The following ASIC2 variants were observed in gnomAD, a reference collection of about 807,000 sequenced individuals.
ASIC2 encodes acid-sensing ion channel 2.
Under a neutral mutation model 57.3 loss-of-function variants are expected in ASIC2, and 25 were observed. That is an observed-to-expected ratio of 0.44 (90% CI 0.32 to 0.61). The LOEUF (loss-of-function observed/expected upper bound fraction) is 0.61. Ranked by LOEUF, ASIC2 falls within the 20% of genes least tolerant of loss-of-function variation. ASIC2 has a pLI of 0.06. For missense variants in ASIC2, 641 were observed against 738.1 expected (o/e 0.87, Z 1.52); for synonymous variants, 319 against 307.5 (o/e 1.04, Z -0.39).
chr17:33,502,967 G>A (rs1401190607), intron 1 of ASIC2, among the ~76,000 whole-genome samples: 1 of 152,142 alleles, frequency 6.6e-6, no homozygotes, highest in Non-Finnish European at 1.5e-5. Context: ...TTCAAGGAAG[G>A]CACATTTGAG....
At chr17:33,070,859 G>A (rs1299181801) in intron 3 of ASIC2, among the ~76,000 whole-genome samples, 2 of 150,260 alleles carry the variant, frequency 1.3e-5, no homozygotes, top group Admixed American at 6.7e-5. Context: ...AATTTTTGGA[G>A]GCATTTTTAC....
At chr17:34,119,602 T>C (rs12936180) in intron 1 of ASIC2, among the ~76,000 whole-genome samples, 7,175 of 146,662 alleles carry the variant, frequency 0.049, 540 homozygotes, top group African/African-American at 0.17. Context: ...AGCTTCCCTT[T>C]CTCTACACAG....
chr17:33,206,751 C>G (rs182220866), intron 1 of ASIC2, among the ~76,000 whole-genome samples: 3 of 152,228 alleles, frequency 2.0e-5, no homozygotes, highest in African/African-American at 7.2e-5. Flanking sequence ...TACCCAGACA[C>G]CTCTAGATTG....
At chr17:33,975,056 A>G (rs974972692) in intron 1 of ASIC2, among the ~76,000 whole-genome samples, 1 of 152,222 alleles carries the variant, frequency 6.6e-6, no homozygotes. Context: ...TCATTGGTAT[A>G]TTGCCAGTGC....
intron 1 of ASIC2, among the ~76,000 whole-genome samples, chr17:33,897,530 G>C (rs1313892846): frequency 1.3e-5 from 2 of 152,164 alleles, no homozygotes. Context: ...TTCTGTAATT[G>C]GTTCATATTG....
intron 1 of ASIC2, among the ~76,000 whole-genome samples, chr17:33,201,623 G>C (rs1286953915): frequency 6.6e-6 from 1 of 152,132 alleles, no homozygotes; most frequent in Admixed American, 6.5e-5. Context: ...GTATAAACAT[G>C]ACTGCAGCCC....
chr17:33,813,776 G>A (rs936809222), intron 1 of ASIC2, among the ~76,000 whole-genome samples: 1 of 151,942 alleles, frequency 6.6e-6, no homozygotes, highest in Non-Finnish European at 1.5e-5. Flanking sequence ...CTCCTTGCTG[G>A]TGATAAGGTA....
intron 1 of ASIC2, among the ~76,000 whole-genome samples, chr17:33,803,351 G>A (rs941563567): frequency 1.3e-5 from 2 of 151,900 alleles, no homozygotes; most frequent in South Asian, 4.2e-4. Context: ...ATATGTGTGG[G>A]TGGGTGGGGG....
intron 1 of ASIC2, among the ~76,000 whole-genome samples, chr17:33,260,374 C>T (rs1207474148): frequency 6.6e-6 from 1 of 152,302 alleles, no homozygotes; most frequent in Non-Finnish European, 1.5e-5. Context: ...AATCTGCGGG[C>T]ACATTAACTC....
intron 1 of ASIC2, among the ~76,000 whole-genome samples, chr17:34,152,471 T>G (rs1350221545): frequency 1.3e-5 from 2 of 152,186 alleles, no homozygotes; most frequent in African/African-American, 4.8e-5. Context: ...TCAGTCAGGT[T>G]GGATGTAAAC....
chr17:33,412,578 G>C (rs1910700865), intron 1 of ASIC2, among the ~76,000 whole-genome samples: 1 of 152,192 alleles, frequency 6.6e-6, no homozygotes, highest in Non-Finnish European at 1.5e-5. Context: ...TTAAAATCCT[G>C]GTCTTGCTGA....
At chr17:33,273,749 C>T (rs1219342567) in intron 1 of ASIC2, among the ~76,000 whole-genome samples, 2 of 152,084 alleles carry the variant, frequency 1.3e-5, no homozygotes, top group African/African-American at 4.8e-5. Flanking sequence ...AAACAACTTG[C>T]CCAAGGTCAC....
intron 1 of ASIC2, among the ~76,000 whole-genome samples, chr17:33,166,355 G>C (rs1439449674): frequency 6.6e-6 from 1 of 152,192 alleles, no homozygotes; most frequent in Admixed American, 6.5e-5. Context: ...AAAGCTCATT[G>C]TTGGGGGGAG....
chr17:33,025,799 G>T, intron 5 of ASIC2, 127 bp downstream of exon 5: 3 of 892,672 alleles, frequency 3.4e-6, no homozygotes, highest in South Asian at 2.1e-5. Context: ...CACCCGACCA[G>T]CCCCTTTCTT....
At chr17:33,653,740 G>A (rs924616601) in intron 1 of ASIC2, among the ~76,000 whole-genome samples, 3 of 152,186 alleles carry the variant, frequency 2.0e-5, no homozygotes, top group African/African-American at 7.2e-5. Flanking sequence ...TTCAGAACTT[G>A]TGATATAGAA....
intron 1 of ASIC2, among the ~76,000 whole-genome samples, chr17:33,460,048 G>T (rs1912584083): frequency 6.6e-6 from 1 of 151,740 alleles, no homozygotes; most frequent in South Asian, 2.1e-4. Context: ...AGATTTGTGT[G>T]TTTGACAAAC....
chr17:34,024,135 T>G (rs1907284659), intron 1 of ASIC2, among the ~76,000 whole-genome samples: 1 of 152,168 alleles, frequency 6.6e-6, no homozygotes, highest in Non-Finnish European at 1.5e-5. Flanking sequence ...GAACCTGGAC[T>G]CAGTGTATGA....
intron 6 of ASIC2, among the ~76,000 whole-genome samples, chr17:33,023,652 G>A (rs2091847742): frequency 6.6e-6 from 1 of 152,104 alleles, no homozygotes; most frequent in Non-Finnish European, 1.5e-5. Flanking sequence ...CCATAAGACT[G>A]CAAGCTCCTT....
intron 1 of ASIC2, among the ~76,000 whole-genome samples, chr17:33,716,288 G>A (rs35040040): frequency 0.16 from 23,652 of 152,064 alleles, 2,267 homozygotes; most frequent in African/African-American, 0.28. Flanking sequence ...GATTTCTTTG[G>A]ATCTTACGGA....
Sources: allele counts gnomAD v4.1 joint callset (sites outside exome capture counted in the v4.1 genomes callset), GRCh38; gene constraint gnomAD v4.1.1; transcripts MANE v1.5; gene names NCBI Gene and HGNC (gene_info 2026-07-23, HGNC 2026-07-21).